PAFAH1B1: variants seen among roughly 807,000 people sequenced by gnomAD.
PAFAH1B1 encodes the protein platelet-activating factor acetylhydrolase IB subunit beta.
A neutral mutation model predicts 57.5 loss-of-function variants in PAFAH1B1; 2 were observed. The ratio of observed to expected loss-of-function variants is 0.03; its 90% confidence interval spans 0.01 to 0.11. The LOEUF (loss-of-function observed/expected upper bound fraction) is 0.11, where lower values mean the gene tolerates loss of function less well. Among genes scored for constraint, PAFAH1B1 ranks in the 10% least tolerant of loss-of-function variants. PAFAH1B1 has a pLI of 1.00. For synonymous variants in PAFAH1B1, 152 were observed against 169.6 expected (o/e 0.90, Z 0.81); for missense variants, 257 against 512.0 (o/e 0.50, Z 4.81).
intron 1 of PAFAH1B1, among the ~76,000 whole-genome samples, chr17:2,633,876 T>C (rs1248776703): frequency 3.3e-5 from 5 of 152,054 alleles, no homozygotes; most frequent in African/African-American, 1.2e-4. Context: ...CTTTTTAATA[T>C]AGGTGTTGCT....
rs144315422 is a variant in PAFAH1B1, at chr17:2,667,171, C to T, written c.372C>T (p.Val124=). The T allele has an allele frequency of 6.2e-7, 1 of 1,613,536 alleles. No individual in the cohort carries two copies. Among genetic ancestry groups the T allele is most frequent in the Non-Finnish European group, 8.5e-7 (1 of 1,179,566 alleles). The change falls in exon 5 of 11, where the codon GTC becomes GTT. Residue 124 remains valine (V), a synonymous_variant. Transcript: ENST00000397195. ...VIFHPVFSVM[V]SASEDATIKV... is the part of the protein sequence containing the mutation. ...TCCATCCTGTGTTCAGTGTTATGGT[C>T]TCTGCTTCAGAGGATGCTACAATTA...
intron 2 of PAFAH1B1, among the ~76,000 whole-genome samples, chr17:2,642,809 C>G (rs949374330): frequency 3.9e-5 from 6 of 152,100 alleles, no homozygotes; most frequent in African/African-American, 1.4e-4. Flanking sequence ...TGGTATTACT[C>G]ATTTGAAATA....
chr17:2,618,228 G>A lies in PAFAH1B1; in HGVS notation c.-190-19871G>A, dbSNP rs145647734. Among the ~76,000 whole-genome samples the A allele has an allele frequency of 6.4e-3, 977 of 152,198 alleles. 13 individuals are homozygous for A. The highest frequency in any genetic ancestry group is 0.023 in the African/African-American group (936 of 41,532). On this transcript the variant is annotated intron_variant, in intron 1 of 10. Coordinates refer to ENST00000397195, the MANE Select transcript of PAFAH1B1 (RefSeq NM_000430.4). Reference sequence around the variant, plus strand: ...TGCGCCACTACACTCCAGCCTGAGCGACAGAGCAAGACTCTGTCTCAAACA... The same window carrying A: ...TGCGCCACTACACTCCAGCCTGAGCAACAGAGCAAGACTCTGTCTCAAACA...
At chr17:2,623,420 G>A (rs1454529092) in intron 1 of PAFAH1B1, among the ~76,000 whole-genome samples, 6 of 151,268 alleles carry the variant, frequency 4.0e-5, no homozygotes, top group South Asian at 2.1e-4. Context: ...CACCACACCC[G>A]GCTAATTTTT....
In PAFAH1B1 at chr17:2,594,011, G is replaced by T; in HGVS notation, c.-191+5G>T. On this transcript the variant is annotated splice_donor_5th_base_variant and intron_variant, in intron 1 of 10. Transcript: ENST00000397195. ...AGGCGGCGGTGCAGCGCTCCGGTAA[G>T]GCGGCGCGGGTCTGCGCCCTCCCCT... 1 of 397,734 alleles carries T rather than the reference G, an allele frequency of 2.5e-6. No individual in the cohort carries two copies. The highest frequency in any genetic ancestry group is 4.4e-6 in the Non-Finnish European group (1 of 225,788). 24.6% of individuals were successfully genotyped at this position (397,734 alleles called of 1,614,324 possible). A position where few individuals can be genotyped will look rare whatever the true frequency, so the allele number is the denominator to read the frequency against.
intron 2 of PAFAH1B1, among the ~76,000 whole-genome samples, chr17:2,663,427 A>G (rs930470846): frequency 1.3e-5 from 2 of 152,026 alleles, no homozygotes; most frequent in Admixed American, 6.6e-5. Context: ...TTGCTCTGAT[A>G]GGCAGGCTGG....
intron 2 of PAFAH1B1, chr17:2,642,390 C>A (rs949121481): frequency 6.6e-6 from 1 of 152,110 alleles, no homozygotes; most frequent in Admixed American, 6.6e-5. Flanking sequence ...TATAGAATTA[C>A]CTTCATTAGA....
chr17:2,602,446 A>G (rs143283988), intron 1 of PAFAH1B1, among the ~76,000 whole-genome samples: 264 of 152,278 alleles, frequency 1.7e-3, no homozygotes, highest in African/African-American at 5.7e-3. Context: ...GTGGGACTCA[A>G]CCTTGACTCT....
chr17:2,593,574 C>T (rs1402583372), upstream of PAFAH1B1, among the ~76,000 whole-genome samples: 1 of 148,634 alleles, frequency 6.7e-6, no homozygotes, highest in African/African-American at 2.4e-5. Context: ...GCCCCTCCCT[C>T]TTCCTGGCGG....
At chr17:2,638,472 A>G in intron 2 of PAFAH1B1, 152 bp downstream of exon 2, 1 of 680,080 alleles carries the variant, frequency 1.5e-6, no homozygotes, top group Admixed American at 2.5e-5. Flanking sequence ...CTGATTTTAA[A>G]ACAGTCTTAT....
Position 2,681,982 on chromosome 17 carries a change from A to G in PAFAH1B1, c.*180A>G. On this transcript the variant is annotated 3_prime_UTR_variant, in exon 11 of 11. Transcript: ENST00000397195. ...TTCATGCATGGTGAATCCAAATTGT[A>G]TACTGTAAATTTACATACGTTGTCT... The G allele has an allele frequency of 3.5e-6, 2 of 578,222 alleles. No individual in the cohort carries two copies. The highest frequency in any genetic ancestry group is 2.9e-5 in the East Asian group (1 of 34,952). 35.8% of individuals were successfully genotyped at this position (578,222 alleles called of 1,614,324 possible).
intron 1 of PAFAH1B1, 102 bp downstream of exon 1, chr17:2,594,108 C>T (rs1004160749): frequency 3.0e-5 from 12 of 397,014 alleles, no homozygotes; most frequent in African/African-American, 8.2e-5. Context: ...GCGCCGGTCC[C>T]CTCCCTCCCA....
intron 2 of PAFAH1B1, among the ~76,000 whole-genome samples, chr17:2,652,216 C>A (rs540855717): frequency 2.6e-5 from 4 of 152,074 alleles, no homozygotes; most frequent in Non-Finnish European, 4.4e-5. Context: ...CGAGACCATC[C>A]TGGCTAACAC....
At chr17:2,629,548 T>C (rs964717558) in intron 1 of PAFAH1B1, among the ~76,000 whole-genome samples, 1 of 152,170 alleles carries the variant, frequency 6.6e-6, no homozygotes, top group African/African-American at 2.4e-5. Flanking sequence ...GAATAGAATG[T>C]GTATTCTGTG....
Position 2,670,301 on chromosome 17 carries a change from C to G in PAFAH1B1, c.538C>G (p.Gln180Glu), listed in dbSNP as rs752624395. 1.2e-6 allele frequency: 2 copies of G among 1,614,138 alleles called. No homozygotes were observed. The highest frequency in any genetic ancestry group is 1.7e-6 in the Non-Finnish European group (2 of 1,180,006). Residue 180 changes from glutamine (Q) to glutamate (E), a missense_variant, in exon 6 of 11, where the codon CAG becomes GAG. Physicochemically the swap from Gln to Glu is conservative, Grantham distance 29. Transcript: ENST00000397195. ...TATGACCATTAAACTATGGGATTTT[C>G]AGGGCTTTGAATGCATCAGAACCAT... ...ADMTIKLWDF[Q>E]GFECIRTMHG...
chr17:2,611,501 T>TA (rs1232696897), intron 1 of PAFAH1B1, among the ~76,000 whole-genome samples: 1 of 150,572 alleles, frequency 6.6e-6, no homozygotes, highest in Non-Finnish European at 1.5e-5. Context: ...AAGAAAGAAA[T>TA]ACAGAAAAGG....
At chr17:2,640,510 G>A (rs993480268) in intron 2 of PAFAH1B1, 1 of 144,944 alleles carries the variant, frequency 6.9e-6, no homozygotes, top group African/African-American at 2.6e-5. Flanking sequence ...GGAGTGCAAT[G>A]GTGTGATCTC....
chr17:2,670,614 GTT>G (rs1286072812), intron 6 of PAFAH1B1, among the ~76,000 whole-genome samples: 1 of 152,142 alleles, frequency 6.6e-6, no homozygotes, highest in Non-Finnish European at 1.5e-5. Context: ...GTTAAAAATG[GTT>G]TTGTTTGTGT....
intron 1 of PAFAH1B1, among the ~76,000 whole-genome samples, chr17:2,594,980 T>TA (rs1477333560): frequency 1.3e-5 from 2 of 152,228 alleles, no homozygotes; most frequent in African/African-American, 4.8e-5. Flanking sequence ...CTTTATATGT[T>TA]ATGCTACCTT....
Sources: allele counts gnomAD v4.1 joint callset (sites outside exome capture counted in the v4.1 genomes callset), GRCh38; gene constraint gnomAD v4.1.1; transcripts MANE v1.5; gene names NCBI Gene and HGNC (gene_info 2026-07-23, HGNC 2026-07-21).